CCDC91: variants seen among roughly 807,000 people sequenced by gnomAD.
The protein encoded by CCDC91 is coiled-coil domain containing 91, also known as coiled-coil domain-containing protein 91.
In CCDC91, 48 loss-of-function variants were observed where a neutral mutation model predicts 63.2. The ratio of observed to expected loss-of-function variants is 0.76; its 90% CI spans 0.60 to 0.97. The LOEUF is 0.97. CCDC91 is among the 50% of genes least tolerant of loss of function. The pLI, the probability that CCDC91 is intolerant of heterozygous loss-of-function variation, is 0.00. For missense variants in CCDC91, 500 were observed against 494.6 expected (o/e 1.01, Z -0.10); for synonymous variants, 167 against 165.8 (o/e 1.01, Z -0.06).
At position 28,411,881 on chromosome 12, in the gene CCDC91, A is replaced by T. The variant is rs79177793; in HGVS notation, c.762+20470A>T. On this transcript the variant is annotated intron_variant, in intron 8 of 12. Transcript: ENST00000536442. ...GCCTCAGGCAGGTCCTTCAGGAGGT[A>T]TTTCAGAAGAAGGCATCACACCATT... Among the ~76,000 whole-genome samples the T allele has an allele frequency of 9.2e-3, 1,400 of 152,286 alleles. 27 individuals carry two copies. Among genetic ancestry groups the T allele is most frequent in the African/African-American group, 0.032 (1,330 of 41,560 alleles).
intron 12 of CCDC91, among the ~76,000 whole-genome samples, chr12:28,519,190 A>AT (rs1202394383): frequency 1.3e-5 from 2 of 151,730 alleles, no homozygotes; most frequent in African/African-American, 4.8e-5. Context: ...CATGGAATGT[A>AT]TTTCCATTTG....
intron 12 of CCDC91, among the ~76,000 whole-genome samples, chr12:28,526,176 T>C (rs934952653): frequency 8.6e-5 from 13 of 151,864 alleles, no homozygotes; most frequent in African/African-American, 3.1e-4. Flanking sequence ...TTTTTAATTG[T>C]ATTTTTGTTT....
chr12:28,291,515 G>A (rs1460959056), intron 3 of CCDC91, among the ~76,000 whole-genome samples: 2 of 152,154 alleles, frequency 1.3e-5, no homozygotes, highest in African/African-American at 4.8e-5. Context: ...GAAAGCTGTT[G>A]TGGATCATAC....
In CCDC91 at chr12:28,394,294, G is replaced by A. The variant is rs139912234; in HGVS notation, c.762+2883G>A. On this transcript the variant is annotated intron_variant, in intron 8 of 12. Coordinates refer to ENST00000536442, the MANE Select transcript of CCDC91 (RefSeq NM_018318.5). ...ATCCTGGCTAACAGGGTGAAACCCC[G>A]TCTCTACTAAAAATACAAAAAATTA... Among the ~76,000 whole-genome samples the A allele has an allele frequency of 4.4e-3, 671 of 152,114 alleles. 5 individuals are homozygous for A. Among genetic ancestry groups the A allele is most frequent in the Non-Finnish European group, 8.2e-3 (555 of 67,966 alleles).
intron 6 of CCDC91, among the ~76,000 whole-genome samples, chr12:28,345,303 A>G (rs1355222901): frequency 1.3e-5 from 2 of 152,074 alleles, no homozygotes; most frequent in Non-Finnish European, 2.9e-5. Flanking sequence ...TATAAAATTT[A>G]TCATACTTTT....
intron 1 of CCDC91, among the ~76,000 whole-genome samples, chr12:28,242,524 A>G (rs1945414224): frequency 1.3e-5 from 2 of 152,158 alleles, no homozygotes; most frequent in South Asian, 4.1e-4. Context: ...TCTCAGGGCC[A>G]GATGGGAAAG....
chr12:28,299,766 A>G (rs1565757170), intron 3 of CCDC91, among the ~76,000 whole-genome samples: 1 of 151,534 alleles, frequency 6.6e-6, no homozygotes. Context: ...CATATATTTA[A>G]GGGCCTTTTG....
intron 1 of CCDC91, chr12:28,256,159 G>T (rs1946426296): frequency 6.6e-6 from 1 of 152,012 alleles, no homozygotes; most frequent in African/African-American, 2.4e-5. Context: ...ACATGTGCAG[G>T]TTTATTACAA....
At chr12:28,430,722 A>T (rs1359567187) in intron 8 of CCDC91, among the ~76,000 whole-genome samples, 4 of 152,110 alleles carry the variant, frequency 2.6e-5, no homozygotes, top group Admixed American at 2.6e-4. Flanking sequence ...CTTTTCCTGG[A>T]GAAATATTTC....
At chr12:28,368,586 C>T (rs1027409573) in intron 7 of CCDC91, among the ~76,000 whole-genome samples, 6 of 152,038 alleles carry the variant, frequency 3.9e-5, no homozygotes, top group Non-Finnish European at 4.4e-5. Flanking sequence ...TTGTTTACGT[C>T]GCTTTTAATT....
chr12:28,444,761 T>G (rs1949413211), intron 8 of CCDC91, among the ~76,000 whole-genome samples: 1 of 152,142 alleles, frequency 6.6e-6, no homozygotes, highest in Non-Finnish European at 1.5e-5. Flanking sequence ...TGAAATAATC[T>G]GTACAGCAAA....
intron 3 of CCDC91, among the ~76,000 whole-genome samples, chr12:28,275,502 C>T (rs1481759705): frequency 6.6e-6 from 1 of 152,074 alleles, no homozygotes; most frequent in Non-Finnish European, 1.5e-5. Context: ...CAAAAAAAGT[C>T]CAGGACCAGA....
intron 8 of CCDC91, among the ~76,000 whole-genome samples, chr12:28,411,698 A>T (rs767257577): frequency 2.6e-5 from 4 of 152,216 alleles, no homozygotes; most frequent in Non-Finnish European, 5.9e-5. Context: ...GTCTTATAAG[A>T]TTATAATAGA....
At chr12:28,371,141 G>C (rs1168206422) in intron 7 of CCDC91, among the ~76,000 whole-genome samples, 2 of 151,916 alleles carry the variant, frequency 1.3e-5, no homozygotes, top group Non-Finnish European at 2.9e-5. Context: ...TATTTTGGTG[G>C]TGGTTTGTAT....
intron 6 of CCDC91, among the ~76,000 whole-genome samples, chr12:28,316,971 T>C (rs1343955182): frequency 6.6e-6 from 1 of 151,934 alleles, no homozygotes; most frequent in Non-Finnish European, 1.5e-5. Flanking sequence ...TGAAGACTGC[T>C]TGTACTTACC....
At chr12:28,533,188 C>G (rs1344978086) in intron 12 of CCDC91, among the ~76,000 whole-genome samples, 2 of 152,062 alleles carry the variant, frequency 1.3e-5, no homozygotes, top group South Asian at 2.1e-4. Flanking sequence ...AAGCACATGT[C>G]TCCAAGAAGC....
chr12:28,273,848 G>T (rs532556001), intron 3 of CCDC91, among the ~76,000 whole-genome samples: 5 of 152,104 alleles, frequency 3.3e-5, no homozygotes, highest in Admixed American at 6.6e-5. Context: ...AGTTTAATTA[G>T]ATCCCATTTG....
At chr12:28,334,504 G>C (rs934490797) in intron 6 of CCDC91, among the ~76,000 whole-genome samples, 2 of 151,970 alleles carry the variant, frequency 1.3e-5, no homozygotes, top group African/African-American at 4.8e-5. Flanking sequence ...CTTTGGTCTA[G>C]TCTGGGGAGG....
intron 3 of CCDC91, among the ~76,000 whole-genome samples, chr12:28,273,379 G>A (rs1416809071): frequency 6.6e-6 from 1 of 152,096 alleles, no homozygotes; most frequent in Non-Finnish European, 1.5e-5. Context: ...TGGGTCAAAT[G>A]GTATTTCTAG....
Sources: allele counts gnomAD v4.1 joint callset (sites outside exome capture counted in the v4.1 genomes callset), GRCh38; gene constraint gnomAD v4.1.1; transcripts MANE v1.5; gene names NCBI Gene and HGNC (gene_info 2026-07-23, HGNC 2026-07-21).